Variants in AHCYL2 observed in about 807,000 individuals in gnomAD.
AHCYL2 encodes adenosylhomocysteinase like 2.
A neutral mutation model predicts 81.4 loss-of-function variants in AHCYL2; 28 were observed. The observed-to-expected ratio is 0.34, with a 90% CI of 0.25 to 0.47. The LOEUF is 0.47. Ranked by LOEUF, AHCYL2 falls within the 20% of genes least tolerant of loss-of-function variation. The probability of loss-of-function intolerance (pLI) is 1.00; values close to 1 mark genes in which losing one functional copy is unlikely to be tolerated. For synonymous variants in AHCYL2, 272 were observed against 290.2 expected (o/e 0.94, Z 0.64); for missense variants, 551 against 785.1 (o/e 0.70, Z 3.56).
chr7:129,245,387 G>A (rs1249967725), intron 1 of AHCYL2, among the ~76,000 whole-genome samples: 4 of 152,148 alleles, frequency 2.6e-5, no homozygotes, highest in Admixed American at 1.3e-4. Flanking sequence ...ACATTTTTAA[G>A]TGCATAGTTC....
intron 1 of AHCYL2, among the ~76,000 whole-genome samples, chr7:129,354,900 G>A (rs530735473): frequency 1.4e-4 from 21 of 152,266 alleles, no homozygotes; most frequent in African/African-American, 3.4e-4. Context: ...CATCCAGAGC[G>A]AGTGAACACA....
At chr7:129,352,363 A>C (rs983525334) in intron 1 of AHCYL2, among the ~76,000 whole-genome samples, 3 of 152,198 alleles carry the variant, frequency 2.0e-5, no homozygotes, top group Non-Finnish European at 2.9e-5. Context: ...CATGAGCTTG[A>C]CAGCTTCCAG....
At chr7:129,276,214 A>G (rs189806128) in intron 1 of AHCYL2, among the ~76,000 whole-genome samples, 107 of 152,274 alleles carry the variant, frequency 7.0e-4, no homozygotes, top group African/African-American at 2.4e-3. Flanking sequence ...ATGGGTTACA[A>G]CTAAAGCAGC....
chr7:129,389,488 C>A, intron 3 of AHCYL2, 146 bp from the exon 4 acceptor site: 1 of 725,412 alleles, frequency 1.4e-6, no homozygotes, highest in Non-Finnish European at 2.2e-6. Flanking sequence ...AAGGAAAATA[C>A]AGGTTTAATG....
chr7:129,359,504 A>G (rs2150840943), intron 1 of AHCYL2, among the ~76,000 whole-genome samples: 1 of 152,346 alleles, frequency 6.6e-6, no homozygotes, highest in African/African-American at 2.4e-5. Context: ...TTATGCTTCT[A>G]TAAAAAGTTT....
At chr7:129,266,123 T>G (rs1229095848) in intron 1 of AHCYL2, among the ~76,000 whole-genome samples, 1 of 152,228 alleles carries the variant, frequency 6.6e-6, no homozygotes, top group East Asian at 1.9e-4. Flanking sequence ...CTGTTTCTTG[T>G]CTCCTTTTCT....
intron 12 of AHCYL2, among the ~76,000 whole-genome samples, chr7:129,416,165 A>G (rs777769794): frequency 6.6e-6 from 1 of 152,132 alleles, no homozygotes; most frequent in Non-Finnish European, 1.5e-5. Flanking sequence ...ATTAACTTCA[A>G]ATCATGATGG....
intron 1 of AHCYL2, chr7:129,351,565 G>T (rs920474329): frequency 6.6e-6 from 1 of 152,130 alleles, no homozygotes; most frequent in African/African-American, 2.4e-5. Flanking sequence ...AAAGGAAATC[G>T]CCATTGGCAA....
At chr7:129,242,419 G>A (rs969247951) in intron 1 of AHCYL2, among the ~76,000 whole-genome samples, 4 of 151,512 alleles carry the variant, frequency 2.6e-5, no homozygotes, top group African/African-American at 9.7e-5. Context: ...ATCTCTAGAA[G>A]CAAAATTGCT....
intron 1 of AHCYL2, among the ~76,000 whole-genome samples, chr7:129,293,665 T>A (rs1796951905): frequency 6.6e-6 from 1 of 152,026 alleles, no homozygotes; most frequent in South Asian, 2.1e-4. Flanking sequence ...AAAAACTTAT[T>A]TGAGGAAACC....
At chr7:129,280,494 G>A (rs1162080374) in intron 1 of AHCYL2, among the ~76,000 whole-genome samples, 2 of 152,084 alleles carry the variant, frequency 1.3e-5, no homozygotes, top group Non-Finnish European at 2.9e-5. Flanking sequence ...TCTTGTTTTA[G>A]TTCTAGTAGC....
intron 11 of AHCYL2, 68 bp downstream of exon 11, chr7:129,409,614 T>C (rs1796468215): frequency 7.3e-7 from 1 of 1,364,962 alleles, no homozygotes; most frequent in Non-Finnish European, 1.0e-6. Context: ...GCAAGATGAT[T>C]GGAAATATTC....
chr7:129,364,278 CA>C (rs1379371857), intron 1 of AHCYL2, among the ~76,000 whole-genome samples: 1 of 152,034 alleles, frequency 6.6e-6, no homozygotes, highest in Non-Finnish European at 1.5e-5. Context: ...ACCTTAAAAA[CA>C]TTTTTTTTAA....
chr7:129,250,116 C>G (rs556558577), intron 1 of AHCYL2, among the ~76,000 whole-genome samples: 1 of 152,170 alleles, frequency 6.6e-6, no homozygotes, highest in East Asian at 1.9e-4. Context: ...GCCTGGGCAA[C>G]TTAGCAAGAA....
chr7:129,300,436 A>G (rs1482113404), intron 1 of AHCYL2, among the ~76,000 whole-genome samples: 1 of 152,178 alleles, frequency 6.6e-6, no homozygotes, highest in Non-Finnish European at 1.5e-5. Context: ...TAACATAAGG[A>G]TATCTACTTT....
rs1584854476 is a variant in AHCYL2, at chr7:129,379,762, C to T, written c.475+13C>T. 2 of 1,602,278 alleles carry T rather than the reference C, an allele frequency of 1.2e-6. No homozygotes were observed. Among genetic ancestry groups the T allele is most frequent in the Non-Finnish European group, 8.5e-7 (1 of 1,172,106 alleles). On this transcript the variant is annotated intron_variant, in intron 2 of 16. Coordinates refer to ENST00000325006, the MANE Select transcript of AHCYL2 (RefSeq NM_015328.4). ...AGCTACAGCTCAGGTGAGTACTGAA[C>T]TGCTGTGGACCCAGCTGTTGAGGCT...
At chr7:129,305,405 A>C (rs572968690) in intron 1 of AHCYL2, among the ~76,000 whole-genome samples, 1 of 152,326 alleles carries the variant, frequency 6.6e-6, no homozygotes, top group African/African-American at 2.4e-5. Flanking sequence ...GGTTGCAGTG[A>C]ACTGAAATCG....
At chr7:129,250,610 C>T (rs1422836683) in intron 1 of AHCYL2, among the ~76,000 whole-genome samples, 1 of 152,090 alleles carries the variant, frequency 6.6e-6, no homozygotes, top group Non-Finnish European at 1.5e-5. Flanking sequence ...GCCTTGTTTC[C>T]GATTTTAGAG....
chr7:129,359,747 G>A (rs1793868214), intron 1 of AHCYL2, among the ~76,000 whole-genome samples: 1 of 152,276 alleles, frequency 6.6e-6, no homozygotes, highest in Non-Finnish European at 1.5e-5. Context: ...GCAGCAAACT[G>A]AACCCTGACC....
Sources: gnomAD v4.1 joint callset for allele counts (sites outside exome capture counted in the v4.1 genomes callset) on GRCh38, gnomAD v4.1.1 for gene constraint, MANE v1.5 for transcripts, NCBI Gene and HGNC (gene_info 2026-07-23, HGNC 2026-07-21) for gene names.